Variants in AGBL1 observed in about 807,000 individuals in gnomAD.
The protein encoded by AGBL1 is cytosolic carboxypeptidase 4.
AGBL1 carries 130 observed loss-of-function variants against 118.9 expected under a neutral mutation model. That is an observed-to-expected ratio of 1.09 (90% confidence interval 0.95 to 1.26). AGBL1 has a LOEUF of 1.26. Ranked by LOEUF, AGBL1 falls within the 50% of genes most tolerant of loss-of-function variation. The probability of loss-of-function intolerance (pLI) is 0.00; values close to 1 mark genes in which losing one functional copy is unlikely to be tolerated. For missense variants in AGBL1, 1,584 were observed against 1,298.1 expected, an observed-to-expected ratio of 1.22 and a Z score of -3.38; for synonymous variants, 555 against 478.9, an observed-to-expected ratio of 1.16 and a Z score of -2.08.
At chr15:86,429,025 C>G (rs527570085) in intron 18 of AGBL1, among the ~76,000 whole-genome samples, 50 of 152,286 alleles carry the variant, frequency 3.3e-4, no homozygotes, top group African/African-American at 1.2e-3. Context: ...GAAAATATGG[C>G]TGCTGGTTTC....
intron 9 of AGBL1, among the ~76,000 whole-genome samples, chr15:86,260,824 G>T (rs1369491949): frequency 6.6e-6 from 1 of 152,212 alleles, no homozygotes; most frequent in South Asian, 2.1e-4. Flanking sequence ...GTGGGTACCA[G>T]AATTCTAGCT....
chr15:86,695,641 G>A (rs7177786), intron 22 of AGBL1, among the ~76,000 whole-genome samples: 43,089 of 151,660 alleles, frequency 0.28, 6,847 homozygotes, highest in East Asian at 0.62. Flanking sequence ...CTGGGTTTGG[G>A]TTTGGTTTGT....
At chr15:86,693,791 T>G (rs1462019920) in intron 22 of AGBL1, among the ~76,000 whole-genome samples, 1 of 152,116 alleles carries the variant, frequency 6.6e-6, no homozygotes, top group African/African-American at 2.4e-5. Flanking sequence ...GAGATGACAA[T>G]CCAGTTTCAT....
chr15:86,665,296 A>G (rs112863658), intron 21 of AGBL1, among the ~76,000 whole-genome samples: 10,580 of 152,094 alleles, frequency 0.07, 486 homozygotes, highest in South Asian at 0.088. Context: ...TAACGCCAAG[A>G]GTTTAATTAA....
chr15:86,698,039 A>T (rs1362828007), intron 22 of AGBL1, among the ~76,000 whole-genome samples: 1 of 152,014 alleles, frequency 6.6e-6, no homozygotes. Context: ...AAAAGTTCAC[A>T]ATGTGAGTCT....
At chr15:86,740,934 C>T (rs1348446265) in intron 22 of AGBL1, among the ~76,000 whole-genome samples, 1 of 152,106 alleles carries the variant, frequency 6.6e-6, no homozygotes, top group East Asian at 1.9e-4. Flanking sequence ...TCAGAGGATA[C>T]ACAGTTGACT....
chr15:86,787,510 A>C (rs1341508401), intron 22 of AGBL1, among the ~76,000 whole-genome samples: 1 of 152,180 alleles, frequency 6.6e-6, no homozygotes, highest in Non-Finnish European at 1.5e-5. Flanking sequence ...CATATAAGTG[A>C]AATCATGCAG....
intron 1 of AGBL1, among the ~76,000 whole-genome samples, chr15:86,113,162 C>A (rs910898976): frequency 5.3e-5 from 8 of 151,312 alleles, no homozygotes; most frequent in African/African-American, 1.7e-4. Flanking sequence ...TGGCTCTCAG[C>A]CTTCTTAGTT....
intron 24 of AGBL1, chr15:87,028,813 A>G: frequency 6.2e-7 from 1 of 1,604,296 alleles, no homozygotes; most frequent in South Asian, 1.1e-5. Context: ...TATATTTCTT[A>G]TTCCTTCTCA....
intron 1 of AGBL1, among the ~76,000 whole-genome samples, chr15:86,102,844 G>A (rs1896817679): frequency 6.6e-6 from 1 of 152,114 alleles, no homozygotes; most frequent in Non-Finnish European, 1.5e-5. Flanking sequence ...TAGAGTTAGG[G>A]ATTTTTCAGC....
intron 18 of AGBL1, among the ~76,000 whole-genome samples, chr15:86,440,512 A>AATAATAATAATAATC: frequency 6.6e-6 from 1 of 151,026 alleles, no homozygotes; most frequent in African/African-American, 2.4e-5. Context: ...TAATAATAAT[A>AATAATAATAATAATC]ACAGTTAATG....
chr15:86,326,100 C>G (rs2080179026), intron 17 of AGBL1, among the ~76,000 whole-genome samples: 1 of 152,150 alleles, frequency 6.6e-6, no homozygotes, highest in African/African-American at 2.4e-5. Context: ...GATCGATGCT[C>G]CAATTCTCAT....
chr15:86,900,804 ACTT>A (rs2080201658), intron 22 of AGBL1, among the ~76,000 whole-genome samples: 1 of 152,126 alleles, frequency 6.6e-6, no homozygotes, highest in Non-Finnish European at 1.5e-5. Context: ...AGCTTTTGAT[ACTT>A]CTTGCAGATT....
intron 18 of AGBL1, among the ~76,000 whole-genome samples, chr15:86,419,732 A>T (rs951485728): frequency 6.6e-6 from 1 of 152,214 alleles, no homozygotes; most frequent in African/African-American, 2.4e-5. Flanking sequence ...TCTCGCTGCC[A>T]GCACAGCAGT....
intron 17 of AGBL1, among the ~76,000 whole-genome samples, chr15:86,344,784 G>A (rs1326890397): frequency 6.6e-6 from 1 of 151,960 alleles, no homozygotes; most frequent in African/African-American, 2.4e-5. Context: ...AACTATTAAT[G>A]TTCTTATTAC....
chr15:86,782,964 G>T (rs2078355502), intron 22 of AGBL1, among the ~76,000 whole-genome samples: 1 of 152,044 alleles, frequency 6.6e-6, no homozygotes, highest in Non-Finnish European at 1.5e-5. Flanking sequence ...AAATTCTTTG[G>T]CCACTTTTCC....
chr15:86,874,783 T>C (rs1218679568), intron 22 of AGBL1, among the ~76,000 whole-genome samples: 3 of 152,210 alleles, frequency 2.0e-5, no homozygotes, highest in Non-Finnish European at 2.9e-5. Context: ...CCAGTATATA[T>C]AAAGAGCACA....
At chr15:86,994,390 CA>C (rs2081361506) in intron 24 of AGBL1, among the ~76,000 whole-genome samples, 1 of 151,990 alleles carries the variant, frequency 6.6e-6, no homozygotes, top group Non-Finnish European at 1.5e-5. Context: ...ACAGACTGTC[CA>C]GAGTGTTAGA....
intron 22 of AGBL1, among the ~76,000 whole-genome samples, chr15:86,856,858 T>A (rs2079489688): frequency 6.6e-6 from 1 of 152,250 alleles, no homozygotes. Context: ...CTATGCTGAC[T>A]TTGCAAATGA....
Sources: allele counts gnomAD v4.1 joint callset (sites outside exome capture counted in the v4.1 genomes callset), GRCh38; gene constraint gnomAD v4.1.1; transcripts MANE v1.5; gene names NCBI Gene and HGNC (gene_info 2026-07-23, HGNC 2026-07-21).